CELF6: variants seen among roughly 807,000 people sequenced by gnomAD.
CELF6 encodes CUGBP Elav-like family member 6, also known as Bruno -like 6, RNA binding protein.
Under a neutral mutation model 53.1 loss-of-function variants are expected in CELF6, and 32 were observed. That is an observed-to-expected ratio of 0.60 (90% CI 0.46 to 0.81). The LOEUF (loss-of-function observed/expected upper bound fraction) is 0.81. CELF6 is among the 30% of genes least tolerant of loss of function. The pLI is 0.00. For synonymous variants in CELF6, 291 were observed against 288.8 expected, an observed-to-expected ratio of 1.01 and a Z score of -0.08; for missense variants, 539 against 669.5, an observed-to-expected ratio of 0.81 and a Z score of 2.15.
At chr15:72,310,886 A>C (rs1186145673) in intron 2 of CELF6, among the ~76,000 whole-genome samples, 1 of 152,154 alleles carries the variant, frequency 6.6e-6, no homozygotes, top group Non-Finnish European at 1.5e-5. Context: ...CAAGATTCTA[A>C]GACTAGCTGT....
chr15:72,314,034 C>G (rs796623052), intron 2 of CELF6, among the ~76,000 whole-genome samples: 2 of 151,976 alleles, frequency 1.3e-5, no homozygotes, highest in African/African-American at 4.8e-5. Flanking sequence ...GGCCTGGATC[C>G]ACACCCAGGT....
intron 2 of CELF6, among the ~76,000 whole-genome samples, chr15:72,314,602 T>TTTTTTTTTTTTG (rs2088339440): frequency 3.5e-5 from 5 of 144,926 alleles, no homozygotes; most frequent in African/African-American, 1.4e-4. Flanking sequence ...TTTTTTTTTT[T>TTTTTTTTTTTTG]TTTTTTTTTT....
chr15:72,316,069 A>T, intron 1 of CELF6, 142 bp from the exon 2 acceptor site: 2 of 591,858 alleles, frequency 3.4e-6, no homozygotes, highest in Non-Finnish European at 6.0e-6. Context: ...TCTGCCTCCC[A>T]CCTCTGGAGG....
chr15:72,306,297 T>A, intron 2 of CELF6: 1 of 985,238 alleles, frequency 1.0e-6, no homozygotes, highest in Non-Finnish European at 1.2e-6. Flanking sequence ...TTCCCGTTCA[T>A]GGAGGAAGGG....
Position 72,289,034 on chromosome 15 carries a change from G to A in CELF6, c.1030+104C>T. On this transcript the variant is annotated intron_variant, in intron 8 of 12. Transcript: ENST00000287202. The surrounding 1 kb of genome is among the most constrained non-coding windows in gnomAD (Gnocchi z 7.6). ...AGGTGGACGGCGGCTGTGAGAGACA[G>A]CAGGGAAGGAGGGGGATCTCTTCCC... The A allele has an allele frequency of 7.8e-7, 1 of 1,275,280 alleles. No homozygotes were observed. The highest frequency in any genetic ancestry group is 1.1e-6 in the Non-Finnish European group (1 of 921,022). The allele number at this position is 1,275,280 out of a possible 1,614,324, so 79.0% of individuals were successfully genotyped here. A position where few individuals can be genotyped will look rare whatever the true frequency, so the allele number is the denominator to read the frequency against.
chr15:72,303,045 A>G (rs1447477958), intron 3 of CELF6, among the ~76,000 whole-genome samples: 5 of 152,194 alleles, frequency 3.3e-5, no homozygotes, highest in Non-Finnish European at 5.9e-5. Context: ...TCACATCTGT[A>G]TTCCTGCTGT....
chr15:72,303,919 G>A (rs1424921637), intron 3 of CELF6, among the ~76,000 whole-genome samples: 6 of 151,972 alleles, frequency 3.9e-5, no homozygotes, highest in East Asian at 1.9e-4. Context: ...GTGCAATGGC[G>A]TGATCTCGGC....
rs537170975 is a variant in CELF6, at chr15:72,317,059, T to G, written c.263-1132A>C. ...AGACTGAATCAAGAATTTGGTGTGT[T>G]GGGGAAATGGATAGGTTAGTGTGGC... On this transcript the variant is annotated intron_variant, in intron 1 of 12. Coordinates refer to ENST00000287202, the MANE Select transcript of CELF6 (RefSeq NM_052840.5). Among the ~76,000 whole-genome samples, 28 of 152,214 alleles carry G rather than the reference T, an allele frequency of 1.8e-4. No individual in the cohort carries two copies. The South Asian group carries it at 5.4e-3, about 29-fold the overall frequency.
Position 72,285,557 on chromosome 15 carries a change from C to T in CELF6, c.*814G>A, listed in dbSNP as rs2087910693. On this transcript the variant is annotated 3_prime_UTR_variant, in exon 13 of 13. Transcript: ENST00000287202. ...AGGTGGCCAGAACTCCCTCTTTCTT[C>T]CCGCCTGGGGAAGCAGTGGTTCCAC... 6.6e-6 allele frequency: 1 copy of T among 152,298 alleles called. No individual in the cohort carries two copies. Among genetic ancestry groups the T allele is most frequent in the African/African-American group, 2.4e-5 (1 of 41,470 alleles). 9.4% of individuals were successfully genotyped at this position (152,298 alleles called of 1,614,324 possible).
chr15:72,307,038 A>T (rs956035762), intron 2 of CELF6, among the ~76,000 whole-genome samples: 1 of 151,878 alleles, frequency 6.6e-6, no homozygotes, highest in Non-Finnish European at 1.5e-5. Context: ...CTGGTAGGGA[A>T]GAAGGCCAAA....
Position 72,288,171 on chromosome 15 carries a change from A to G in CELF6, c.1318+137T>C, listed in dbSNP as rs118186238. 3.2e-4 allele frequency: 313 copies of G among 975,546 alleles called. 1 individual carries two copies. Among genetic ancestry groups the G allele is most frequent in the Middle Eastern group, 1.3e-3 (5 of 3,824 alleles). 60.4% of individuals were successfully genotyped at this position (975,546 alleles called of 1,614,324 possible). A position where few individuals can be genotyped will look rare whatever the true frequency, so the allele number is the denominator to read the frequency against. On this transcript the variant is annotated intron_variant, in intron 11 of 12. Transcript: ENST00000287202. This position sits in a 1 kb window ranked among gnomAD's most constrained non-coding sequence, Gnocchi z 4.6. ...TTGTTGGCCTAAACTTAGGCCCATC[A>G]CTGGTTTGTGACCCTGTTTTGTGCC...
chr15:72,297,965 G>A (rs1370467363), intron 3 of CELF6, among the ~76,000 whole-genome samples: 3 of 152,206 alleles, frequency 2.0e-5, no homozygotes, highest in Non-Finnish European at 2.9e-5. Flanking sequence ...AAGAGTTAAT[G>A]TGAGGAAAGG....
chr15:72,296,678 A>G (rs1201431757), intron 3 of CELF6, among the ~76,000 whole-genome samples: 1 of 152,244 alleles, frequency 6.6e-6, no homozygotes, highest in Non-Finnish European at 1.5e-5. Context: ...CAAATGGGCA[A>G]CAAGCATAAG....
intron 2 of CELF6, among the ~76,000 whole-genome samples, chr15:72,312,463 C>G (rs1246552515): frequency 6.6e-6 from 1 of 152,088 alleles, no homozygotes; most frequent in Non-Finnish European, 1.5e-5. Context: ...CCTGTCTCTA[C>G]TAAAAATACA....
chr15:72,295,341 A>G (rs751644318), intron 3 of CELF6, among the ~76,000 whole-genome samples: 1 of 152,156 alleles, frequency 6.6e-6, no homozygotes, highest in Non-Finnish European at 1.5e-5. Context: ...TTCAAAATAC[A>G]TAAATAAATA....
At chr15:72,301,883 C>A (rs2088160976) in intron 3 of CELF6, among the ~76,000 whole-genome samples, 1 of 152,038 alleles carries the variant, frequency 6.6e-6, no homozygotes. Flanking sequence ...ACTACATGCG[C>A]CCGCCACCAC....
intron 2 of CELF6, among the ~76,000 whole-genome samples, chr15:72,309,061 T>C (rs1312432770): frequency 6.6e-6 from 1 of 151,920 alleles, no homozygotes; most frequent in African/African-American, 2.4e-5. Flanking sequence ...TACAGGTACA[T>C]GCCACCATGC....
chr15:72,294,110 G>C (rs929643420), intron 3 of CELF6, among the ~76,000 whole-genome samples: 3 of 152,144 alleles, frequency 2.0e-5, no homozygotes, highest in Non-Finnish European at 2.9e-5. Context: ...CAAATGATGG[G>C]GTTGACATCC....
chr15:72,300,383 TA>T (rs2088137239), intron 3 of CELF6, among the ~76,000 whole-genome samples: 1 of 144,744 alleles, frequency 6.9e-6, no homozygotes, highest in Non-Finnish European at 1.5e-5. Context: ...AAAAAGTAAA[TA>T]AACAGACAAA....
Sources: gnomAD v4.1 joint callset for allele counts (sites outside exome capture counted in the v4.1 genomes callset) on GRCh38, gnomAD v4.1.1 for gene constraint, Gnocchi (gnomAD v3.1) non-coding constraint, MANE v1.5 for transcripts, NCBI Gene and HGNC (gene_info 2026-07-23, HGNC 2026-07-21) for gene names.